Variants in CHN1 observed in about 807,000 individuals in gnomAD.
CHN1 encodes chimerin 1.
Under a neutral mutation model 59.5 loss-of-function variants are expected in CHN1, and 37 were observed. That is an observed-to-expected ratio of 0.62 (90% confidence interval 0.48 to 0.82). The LOEUF is 0.82. CHN1 is among the 40% of genes least tolerant of loss of function. The pLI is 0.00. For missense variants in CHN1, 469 were observed against 571.0 expected (o/e 0.82, Z 1.82); for synonymous variants, 206 against 200.4 (o/e 1.03, Z -0.24).
intron 8 of CHN1, among the ~76,000 whole-genome samples, chr2:174,819,821 C>CA (rs1685419792): frequency 8.9e-6 from 1 of 112,090 alleles, no homozygotes; most frequent in African/African-American, 3.5e-5. Context: ...CCCCTCCCCC[C>CA]ACCCCACAAC....
intron 8 of CHN1, among the ~76,000 whole-genome samples, chr2:174,822,651 A>G (rs1574056310): frequency 6.6e-6 from 1 of 152,258 alleles, no homozygotes; most frequent in South Asian, 2.1e-4. Flanking sequence ...GTTCTCGAGC[A>G]GGCAATTTGT....
At chr2:174,899,385 T>C (rs1688318215) in intron 5 of CHN1, among the ~76,000 whole-genome samples, 1 of 152,232 alleles carries the variant, frequency 6.6e-6, no homozygotes, top group Non-Finnish European at 1.5e-5. Flanking sequence ...ACTCAGTATA[T>C]ATGTCAACTC....
intron 6 of CHN1, among the ~76,000 whole-genome samples, chr2:174,849,235 T>C (rs1165534206): frequency 1.3e-5 from 2 of 152,200 alleles, no homozygotes; most frequent in Non-Finnish European, 2.9e-5. Flanking sequence ...ATATTCATGA[T>C]AGTTACCCAG....
intron 5 of CHN1, among the ~76,000 whole-genome samples, chr2:174,886,297 C>T (rs1687892213): frequency 6.6e-6 from 1 of 152,180 alleles, no homozygotes. Context: ...TACAATTTAA[C>T]ATTTTTCTTG....
At position 174,824,520 on chromosome 2, in the gene CHN1, TG is replaced by T; in HGVS notation, c.628-3del. On this transcript the variant is annotated splice_region_variant and splice_polypyrimidine_tract_variant and intron_variant, in intron 7 of 12. Transcript: ENST00000409900. Reference sequence around the variant, plus strand: ...GTGTGGCCCTCTGAATGTATGCACCTGAAAAAAAAAAAGAGGGGCAAAGTCA... The same window carrying T: ...GTGTGGCCCTCTGAATGTATGCACCTAAAAAAAAAAAGAGGGGCAAAGTCA... 6.4e-7 allele frequency: 1 copy of T among 1,567,184 alleles called. No individual in the cohort carries two copies. Among genetic ancestry groups the T allele is most frequent in the Non-Finnish European group, 8.6e-7 (1 of 1,159,202 alleles).
intron 1 of CHN1, among the ~76,000 whole-genome samples, chr2:174,952,537 C>T (rs150007849): frequency 9.9e-5 from 15 of 152,264 alleles, no homozygotes; most frequent in Admixed American, 9.8e-4. Flanking sequence ...GATTATTTCA[C>T]TGAAAGATCC....
intron 1 of CHN1, among the ~76,000 whole-genome samples, chr2:174,956,063 A>T (rs1479117164): frequency 2.6e-5 from 4 of 152,236 alleles, no homozygotes; most frequent in African/African-American, 9.6e-5. Context: ...CAATTGTGGA[A>T]AACTTAAAGA....
intron 6 of CHN1, among the ~76,000 whole-genome samples, chr2:174,856,030 G>A (rs1488721917): frequency 6.6e-6 from 1 of 151,960 alleles, no homozygotes; most frequent in Non-Finnish European, 1.5e-5. Context: ...TTATATTCCA[G>A]TGCCGCTCAG....
At chr2:174,988,183 C>A (rs1418323432) in intron 1 of CHN1, among the ~76,000 whole-genome samples, 2 of 151,804 alleles carry the variant, frequency 1.3e-5, no homozygotes. Flanking sequence ...ACGGTGAAAC[C>A]CCGTCTCTAC....
intron 3 of CHN1, among the ~76,000 whole-genome samples, 184 bp from the exon 4 acceptor site, chr2:174,918,749 C>T (rs1688920532): frequency 6.6e-6 from 1 of 152,174 alleles, no homozygotes; most frequent in Non-Finnish European, 1.5e-5. Flanking sequence ...TTCATCTCTC[C>T]AGACCTATTT....
intron 6 of CHN1, among the ~76,000 whole-genome samples, chr2:174,856,995 C>A (rs1686920049): frequency 6.6e-6 from 1 of 152,056 alleles, no homozygotes. Flanking sequence ...ATACCAAGCT[C>A]ATGAAACTCA....
intron 9 of CHN1, 21 bp downstream of exon 9, chr2:174,812,288 C>T: frequency 1.3e-6 from 2 of 1,595,024 alleles, no homozygotes; most frequent in Non-Finnish European, 1.7e-6. Flanking sequence ...ACCACTGCAA[C>T]CCGCACTGCA....
At chr2:174,920,315 A>G (rs894199827) in intron 3 of CHN1, among the ~76,000 whole-genome samples, 2 of 152,162 alleles carry the variant, frequency 1.3e-5, no homozygotes, top group Non-Finnish European at 2.9e-5. Context: ...TTTCATCAAC[A>G]TATTAATTTC....
intron 7 of CHN1, among the ~76,000 whole-genome samples, chr2:174,834,086 G>T (rs560764869): frequency 6.6e-6 from 1 of 152,086 alleles, no homozygotes; most frequent in Admixed American, 6.5e-5. Context: ...AATTACAGGC[G>T]TGAGCCACCA....
chr2:174,889,876 TAA>T (rs1397707468), intron 5 of CHN1, among the ~76,000 whole-genome samples: 1 of 150,798 alleles, frequency 6.6e-6, no homozygotes, highest in African/African-American at 2.5e-5. Flanking sequence ...CCAGAATAAA[TAA>T]ATATGTGTGT....
intron 1 of CHN1, among the ~76,000 whole-genome samples, chr2:174,974,591 A>C (rs1318772567): frequency 1.3e-5 from 2 of 152,322 alleles, no homozygotes; most frequent in East Asian, 3.9e-4. Context: ...AATTAGATCA[A>C]ATTGTTTTCT....
At chr2:174,801,375 C>A (rs1684715482) in intron 12 of CHN1, among the ~76,000 whole-genome samples, 1 of 152,132 alleles carries the variant, frequency 6.6e-6, no homozygotes, top group Non-Finnish European at 1.5e-5. Flanking sequence ...TTTCTTCTTG[C>A]TTTATTATGC....
At chr2:174,868,613 T>C (rs1687302759) in intron 6 of CHN1, among the ~76,000 whole-genome samples, 2 of 152,192 alleles carry the variant, frequency 1.3e-5, no homozygotes, top group African/African-American at 4.8e-5. Flanking sequence ...AACAATTACA[T>C]TCCAATAGGT....
At chr2:174,981,228 T>C in intron 1 of CHN1, among the ~76,000 whole-genome samples, 1 of 152,152 alleles carries the variant, frequency 6.6e-6, no homozygotes, top group East Asian at 1.9e-4. Context: ...GATGTAGACA[T>C]GTCATTTTGC....
Sources: allele counts gnomAD v4.1 joint callset (sites outside exome capture counted in the v4.1 genomes callset), GRCh38; gene constraint gnomAD v4.1.1; transcripts MANE v1.5; gene names NCBI Gene and HGNC (gene_info 2026-07-23, HGNC 2026-07-21).